FYN: variants seen among roughly 807,000 people sequenced by gnomAD.
FYN encodes the protein tyrosine-protein kinase Fyn.
Under a neutral mutation model 70.2 loss-of-function variants are expected in FYN, and 10 were observed. The observed-to-expected ratio is 0.14, with a 90% CI of 0.09 to 0.24. FYN has a LOEUF of 0.24. Among genes scored for constraint, FYN ranks in the 10% least tolerant of loss-of-function variants. FYN has a pLI of 1.00. For synonymous variants in FYN, 236 were observed against 248.6 expected (o/e 0.95, Z 0.48); for missense variants, 319 against 673.1 (o/e 0.47, Z 5.82).
At chr6:111,732,897 C>T (rs1801536158) in intron 3 of FYN, among the ~76,000 whole-genome samples, 2 of 152,098 alleles carry the variant, frequency 1.3e-5, no homozygotes, top group African/African-American at 2.4e-5. Flanking sequence ...CTCGTCTACC[C>T]GAAAGCACCC....
chr6:111,672,916 C>T (rs550330501), intron 13 of FYN, among the ~76,000 whole-genome samples: 1 of 152,314 alleles, frequency 6.6e-6, no homozygotes, highest in South Asian at 2.1e-4. Flanking sequence ...CCTTCCTTCT[C>T]CAAGGCCCCC....
At position 111,703,890 on chromosome 6, in the gene FYN, G is replaced by C. The variant is rs898543392; in HGVS notation, c.547+109C>G. 4 of 793,968 alleles carry C rather than the reference G, an allele frequency of 5.0e-6. No individual in the cohort carries two copies. The African/African-American group carries it at 5.2e-5, about 10-fold the overall frequency. The allele number at this position is 793,968 out of a possible 1,614,324, so 49.2% of individuals were successfully genotyped here. ...CAGGACTCCACTCACAAGGCAGGGA[G>C]GGTATGTGCCATTTTAAAATCCTTG... On this transcript the variant is annotated intron_variant, in intron 7 of 13. Coordinates refer to ENST00000354650, the MANE Select transcript of FYN (RefSeq NM_002037.5).
chr6:111,812,672 T>G (rs1231423491), intron 2 of FYN, among the ~76,000 whole-genome samples: 1 of 145,830 alleles, frequency 6.9e-6, no homozygotes, highest in Non-Finnish European at 1.5e-5. Flanking sequence ...TAAAGCTTCC[T>G]GAAGGTCAAA....
At chr6:111,802,880 T>C (rs1224644799) in intron 2 of FYN, among the ~76,000 whole-genome samples, 3 of 152,092 alleles carry the variant, frequency 2.0e-5, no homozygotes, top group African/African-American at 7.2e-5. Context: ...TTTACCAACA[T>C]AGATGTAGAG....
intron 2 of FYN, among the ~76,000 whole-genome samples, chr6:111,842,908 A>G (rs1773408400): frequency 6.6e-6 from 1 of 152,220 alleles, no homozygotes; most frequent in African/African-American, 2.4e-5. Flanking sequence ...TAACAGACCA[A>G]CACATTTCAA....
chr6:111,771,760 T>G (rs1803461661), intron 3 of FYN, among the ~76,000 whole-genome samples: 1 of 152,194 alleles, frequency 6.6e-6, no homozygotes, highest in Non-Finnish European at 1.5e-5. Flanking sequence ...ATGGTTAACA[T>G]AAAGATCCCG....
chr6:111,788,138 T>C (rs948681346), intron 2 of FYN, among the ~76,000 whole-genome samples: 1 of 152,190 alleles, frequency 6.6e-6, no homozygotes, highest in African/African-American at 2.4e-5. Flanking sequence ...CTGAAGTTCT[T>C]GCCCAGTTCC....
chr6:111,870,555 G>C (rs2114254274), intron 1 of FYN, among the ~76,000 whole-genome samples: 1 of 152,256 alleles, frequency 6.6e-6, no homozygotes, highest in South Asian at 2.1e-4. Flanking sequence ...GATAAAACTT[G>C]GTAGGAAACA....
intron 1 of FYN, among the ~76,000 whole-genome samples, chr6:111,862,920 C>T (rs1325515029): frequency 4.6e-5 from 7 of 152,110 alleles, no homozygotes; most frequent in South Asian, 2.1e-4. Context: ...AAACAAAGGC[C>T]GGAGCCATAT....
intron 1 of FYN, among the ~76,000 whole-genome samples, chr6:111,854,241 G>A (rs1418447309): frequency 6.6e-6 from 1 of 152,230 alleles, no homozygotes; most frequent in Non-Finnish European, 1.5e-5. Flanking sequence ...ATGTTAACAT[G>A]TGATTAAAGC....
At chr6:111,868,106 C>T (rs967279178) in intron 1 of FYN, among the ~76,000 whole-genome samples, 2 of 151,978 alleles carry the variant, frequency 1.3e-5, no homozygotes, top group Non-Finnish European at 2.9e-5. Context: ...GCCTTCTCTG[C>T]TTGGCTATCC....
intron 3 of FYN, among the ~76,000 whole-genome samples, chr6:111,768,758 A>G (rs1389692942): frequency 6.6e-6 from 1 of 152,222 alleles, no homozygotes; most frequent in African/African-American, 2.4e-5. Flanking sequence ...AATATTGAGG[A>G]TGAAACCAAA....
chr6:111,715,043 C>G (rs1800564263), intron 4 of FYN, among the ~76,000 whole-genome samples: 1 of 151,990 alleles, frequency 6.6e-6, no homozygotes, highest in Non-Finnish European at 1.5e-5. Flanking sequence ...AAAATGGAAC[C>G]CTCTCCCTTG....
At chr6:111,785,931 T>C (rs1771358725) in intron 2 of FYN, among the ~76,000 whole-genome samples, 1 of 151,776 alleles carries the variant, frequency 6.6e-6, no homozygotes, top group South Asian at 2.1e-4. Context: ...TGGTTTTCTG[T>C]CCTTGCAATA....
Position 111,714,401 on chromosome 6 carries a change from G to A in FYN, c.290C>T (p.Thr97Ile). The stretch of plus-strand genomic sequence containing the variant: ...TTTGTGAAAACTCAGGTCATCTTCT[G>A]TCCGTGCTTCATAGTCATAAAGGGC... The part of the protein sequence containing the change: ...FVALYDYEAR[T>I]EDDLSFHKGE... The change falls in exon 5 of 14, where the codon ACA becomes ATA. Residue 97 changes from threonine to isoleucine, a missense_variant. Physicochemically the swap from Thr to Ile is moderately conservative, Grantham distance 89. This residue lies in a region of FYN where 128 missense variants were observed against 183.9 expected (regional missense o/e 0.70). Transcript: ENST00000354650. The A allele has an allele frequency of 6.2e-7, 1 of 1,614,038 alleles. No individual in the cohort carries two copies. Among genetic ancestry groups the A allele is most frequent in the Non-Finnish European group, 8.5e-7 (1 of 1,179,988 alleles).
At chr6:111,809,512 T>C (rs1371662095) in intron 2 of FYN, among the ~76,000 whole-genome samples, 1 of 152,346 alleles carries the variant, frequency 6.6e-6, no homozygotes, top group Non-Finnish European at 1.5e-5. Flanking sequence ...CACCAGGTTA[T>C]TTCACAAACA....
At position 111,873,175 on chromosome 6, in the gene FYN, G is replaced by A. The variant is rs2114264315; in HGVS notation, c.-330C>T. 1 of 147,310 alleles carries A rather than the reference G, an allele frequency of 6.8e-6. No homozygotes were observed. The highest frequency in any genetic ancestry group is 6.7e-5 in the Admixed American group (1 of 14,900). 9.1% of individuals were successfully genotyped at this position (147,310 alleles called of 1,614,324 possible). ...CGGCGGCCGCCGGGCGGTGCGGCGC[G>A]GGCGGCGGCTTTGTGTGCGCCCGGG... On this transcript the variant is annotated 5_prime_UTR_variant, in exon 1 of 14. Transcript: ENST00000354650.
At chr6:111,713,984 G>A (rs1243447840) in intron 5 of FYN, among the ~76,000 whole-genome samples, 1 of 152,256 alleles carries the variant, frequency 6.6e-6, no homozygotes, top group Non-Finnish European at 1.5e-5. Context: ...AAGGCAGAGA[G>A]CACGAAACGT....
At chr6:111,835,668 GAGGGGA>G (rs892112232) in intron 2 of FYN, among the ~76,000 whole-genome samples, 6 of 151,906 alleles carry the variant, frequency 3.9e-5, no homozygotes, top group Non-Finnish European at 8.8e-5. Flanking sequence ...AAAGAAAGTG[GAGGGGA>G]AGGGGAAGGG....
Sources: gnomAD v4.1 joint callset for allele counts (sites outside exome capture counted in the v4.1 genomes callset) on GRCh38, gnomAD v4.1.1 for gene constraint, gnomAD v4.1.1 regional missense constraint, MANE v1.5 for transcripts, NCBI Gene and HGNC (gene_info 2026-07-23, HGNC 2026-07-21) for gene names.